The following TRIM24 variants were observed in gnomAD, a reference collection of about 807,000 sequenced individuals.
TRIM24 encodes the protein tripartite motif containing 24.
Under a neutral mutation model 123.9 loss-of-function variants are expected in TRIM24, and 29 were observed. That is an observed-to-expected ratio of 0.23 (90% CI 0.17 to 0.32). The LOEUF (loss-of-function observed/expected upper bound fraction) is 0.32, where lower values mean the gene tolerates loss of function less well. TRIM24 is among the 10% of genes least tolerant of loss of function. The pLI, the probability that TRIM24 is intolerant of heterozygous loss-of-function variation, is 1.00. For missense variants in TRIM24, 932 were observed against 1,295.3 expected, an observed-to-expected ratio of 0.72 and a Z score of 4.31; for synonymous variants, 456 against 461.1, an observed-to-expected ratio of 0.99 and a Z score of 0.14.
At position 138,578,557 on chromosome 7, in the gene TRIM24, TGTGTGTGC is replaced by T. The variant is rs1473593584; in HGVS notation, c.2257-645_2257-638del. On this transcript the variant is annotated intron_variant, in intron 14 of 18. Transcript: ENST00000343526. ...TTGTGTGTGTGTGTGTGTGTGTGTG[TGTGTGTGC>T]GCGCACGCACGAATGGAAGCAGGAC... Among the ~76,000 whole-genome samples the T allele has an allele frequency of 5.1e-3, 670 of 131,090 alleles. 6 individuals carry two copies. The highest frequency in any genetic ancestry group is 0.016 in the African/African-American group (624 of 37,862). 86.0% of individuals were successfully genotyped at this position (131,090 alleles called of 152,430 possible).
chr7:138,539,384 C>T (rs533694581), intron 7 of TRIM24, among the ~76,000 whole-genome samples: 2 of 152,090 alleles, frequency 1.3e-5, no homozygotes, highest in African/African-American at 2.4e-5. Flanking sequence ...TGACATTGGT[C>T]TAGAACCTTA....
rs1429685967 is a variant in TRIM24, at chr7:138,533,750, C to T, written c.996+4520C>T. On this transcript the variant is annotated intron_variant, in intron 6 of 18. Transcript: ENST00000343526. ...CTCATAAAATGAGTTAGGGAGGATTCCCTGTTTTTCTATTCGTTGGAATAG... is the reference window on the plus strand; with the variant it reads ...CTCATAAAATGAGTTAGGGAGGATTTCCTGTTTTTCTATTCGTTGGAATAG... Among the ~76,000 whole-genome samples, 3 of 152,138 alleles carry T rather than the reference C, an allele frequency of 2.0e-5. No homozygotes were observed. In the East Asian group the frequency reaches 5.8e-4, roughly 29 times the overall value.
chr7:138,464,629 T>C (rs1228309804), intron 1 of TRIM24, among the ~76,000 whole-genome samples: 1 of 152,152 alleles, frequency 6.6e-6, no homozygotes, highest in Non-Finnish European at 1.5e-5. Flanking sequence ...GTCAACTAAT[T>C]AAAAATGTGT....
intron 11 of TRIM24, among the ~76,000 whole-genome samples, chr7:138,573,026 C>T (rs117567967): frequency 6.6e-6 from 1 of 152,170 alleles, no homozygotes; most frequent in African/African-American, 2.4e-5. Flanking sequence ...GTTAAAGTAT[C>T]CCTTTCAGAG....
At chr7:138,488,335 GTC>G (rs1795696764) in intron 1 of TRIM24, among the ~76,000 whole-genome samples, 2 of 148,888 alleles carry the variant, frequency 1.3e-5, no homozygotes, top group South Asian at 4.2e-4. Context: ...GGTTTTTTGT[GTC>G]TCTATCTCCT....
intron 1 of TRIM24, among the ~76,000 whole-genome samples, chr7:138,464,089 G>A (rs1202605424): frequency 6.9e-6 from 1 of 144,680 alleles, no homozygotes; most frequent in African/African-American, 2.6e-5. Flanking sequence ...CTGCCTCCCG[G>A]GTTCAGGCCA....
chr7:138,549,778 T>A (rs1797173301), intron 7 of TRIM24, among the ~76,000 whole-genome samples: 1 of 152,066 alleles, frequency 6.6e-6, no homozygotes, highest in Non-Finnish European at 1.5e-5. Flanking sequence ...ATGGGTGTGA[T>A]CCAGTAAAAT....
intron 6 of TRIM24, among the ~76,000 whole-genome samples, chr7:138,533,894 C>A (rs528387534): frequency 1.3e-5 from 2 of 152,054 alleles, no homozygotes; most frequent in Non-Finnish European, 1.5e-5. Context: ...AATTTCAGAG[C>A]CTGTTATTGG....
chr7:138,574,102 T>C (rs541737252), intron 12 of TRIM24, among the ~76,000 whole-genome samples: 1 of 152,346 alleles, frequency 6.6e-6, no homozygotes, highest in African/African-American at 2.4e-5. Flanking sequence ...CAACAGAACT[T>C]CTCACCATTA....
Position 138,584,908 on chromosome 7 carries a change from A to G in TRIM24, c.3110A>G (p.Lys1037Arg). The G allele has an allele frequency of 6.2e-7, 1 of 1,613,444 alleles. No homozygotes were observed. The highest frequency in any genetic ancestry group is 8.5e-7 in the Non-Finnish European group (1 of 1,179,782). The change falls in exon 19 of 19, where the codon AAG (lysine) becomes AGG (arginine). Residue 1037 changes from lysine to arginine, a missense_variant. Lys to Arg is a conservative substitution (Grantham distance 26). Around this residue, in one of 7 missense-constraint regions of TRIM24, gnomAD observed 104 missense variants for 121.5 expected, o/e 0.86. Coordinates refer to ENST00000343526, the MANE Select transcript of TRIM24 (RefSeq NM_015905.3). ...DSDDDFVQPR[K>R]KRLKSIEERQ... ...GATGATGACTTTGTACAGCCCCGGA[A>G]GAAACGCCTCAAAAGCATTGAAGAA... is the stretch of plus-strand genomic sequence containing the variant.
chr7:138,568,428 T>G (rs1171267434), intron 10 of TRIM24, among the ~76,000 whole-genome samples: 1 of 133,176 alleles, frequency 7.5e-6, no homozygotes, highest in African/African-American at 2.8e-5. Context: ...TCTCTGTCAC[T>G]CAGGCTAGAG....
intron 3 of TRIM24, among the ~76,000 whole-genome samples, chr7:138,517,965 A>G (rs778451087): frequency 1.3e-5 from 2 of 152,330 alleles, no homozygotes; most frequent in Non-Finnish European, 2.9e-5. Context: ...GTTGAAGTAC[A>G]AATTGGCACA....
In TRIM24 at chr7:138,515,313, G is replaced by T; in HGVS notation, c.585G>T (p.Lys195Asn). 1 of 1,614,096 alleles carries T rather than the reference G, an allele frequency of 6.2e-7. No homozygotes were observed. The highest frequency in any genetic ancestry group is 8.5e-7 in the Non-Finnish European group (1 of 1,179,956). The change falls in exon 3 of 19, where the codon AAG becomes AAT. Residue 195 changes from lysine (K) to asparagine (N), a missense_variant. Physicochemically the swap from Lys to Asn is moderately conservative, Grantham distance 94. Coordinates refer to ENST00000343526, the MANE Select transcript of TRIM24 (RefSeq NM_015905.3). ...GTATCAGAGCTCATCAGAGGGTAAA[G>T]TTCACAAAAGACCACACTGTCAGAC... Reference protein sequence around the residue: ...KTCIRAHQRVKFTKDHTVRQK... With the variant: ...KTCIRAHQRVNFTKDHTVRQK...
chr7:138,567,420 A>T, intron 9 of TRIM24, 61 bp from the exon 10 acceptor site: 1 of 1,472,432 alleles, frequency 6.8e-7, no homozygotes, highest in Non-Finnish European at 9.2e-7. Flanking sequence ...TAAGATAGAG[A>T]TTTATAATTT....
intron 7 of TRIM24, among the ~76,000 whole-genome samples, chr7:138,546,147 G>A (rs1481329920): frequency 6.6e-6 from 1 of 152,116 alleles, no homozygotes; most frequent in East Asian, 1.9e-4. Flanking sequence ...TTGAGTAGCA[G>A]AATTATAGAT....
At chr7:138,482,533 T>C (rs1378751406) in intron 1 of TRIM24, among the ~76,000 whole-genome samples, 1 of 152,206 alleles carries the variant, frequency 6.6e-6, no homozygotes, top group African/African-American at 2.4e-5. Flanking sequence ...AGGCACATCG[T>C]ACACATATGC....
At chr7:138,549,362 CACCAACAA>C (rs1797164945) in intron 7 of TRIM24, among the ~76,000 whole-genome samples, 1 of 152,124 alleles carries the variant, frequency 6.6e-6, no homozygotes, top group Non-Finnish European at 1.5e-5. Flanking sequence ...GAGAGGAAAT[CACCAACAA>C]TGGAGACTGA....
At chr7:138,469,952 G>A (rs1300560491) in intron 1 of TRIM24, among the ~76,000 whole-genome samples, 1 of 152,046 alleles carries the variant, frequency 6.6e-6, no homozygotes, top group Non-Finnish European at 1.5e-5. Flanking sequence ...AAGGATGTGT[G>A]CCTTAGGAAG....
intron 4 of TRIM24, among the ~76,000 whole-genome samples, chr7:138,520,773 C>A (rs1014675411): frequency 6.6e-6 from 1 of 152,026 alleles, no homozygotes; most frequent in African/African-American, 2.4e-5. Flanking sequence ...TAGCATGAAA[C>A]GAGAATTAAT....
Sources: allele counts gnomAD v4.1 joint callset (sites outside exome capture counted in the v4.1 genomes callset), GRCh38; gene constraint gnomAD v4.1.1; regional missense constraint gnomAD v4.1.1; transcripts MANE v1.5; gene names NCBI Gene and HGNC (gene_info 2026-07-23, HGNC 2026-07-21).